The following ADAMTS20 variants were observed in gnomAD, a reference collection of about 807,000 sequenced individuals.
ADAMTS20 encodes the protein ADAM metallopeptidase with thrombospondin type 1 motif 20.
In ADAMTS20, 225 loss-of-function variants were observed where a neutral mutation model predicts 260.1. The observed-to-expected ratio is 0.87, with a 90% CI of 0.78 to 0.97. ADAMTS20 has a LOEUF of 0.97. Ranked by LOEUF, ADAMTS20 falls within the 50% of genes least tolerant of loss-of-function variation. The probability of loss-of-function intolerance (pLI) is 0.00; values close to 1 mark genes in which losing one functional copy is unlikely to be tolerated. For missense variants in ADAMTS20, 2,400 were observed against 2,337.7 expected, an observed-to-expected ratio of 1.03 and a Z score of -0.55; for synonymous variants, 802 against 769.5, an observed-to-expected ratio of 1.04 and a Z score of -0.70.
At chr12:43,474,086 C>A (rs1048127427) in intron 7 of ADAMTS20, among the ~76,000 whole-genome samples, 1 of 151,388 alleles carries the variant, frequency 6.6e-6, no homozygotes, top group Non-Finnish European at 1.5e-5. Flanking sequence ...ATTGATAGAC[C>A]GCTAGCAAGA....
chr12:43,457,319 G>A (rs1330372322), intron 11 of ADAMTS20, among the ~76,000 whole-genome samples: 3 of 151,390 alleles, frequency 2.0e-5, no homozygotes, highest in Non-Finnish European at 2.9e-5. Flanking sequence ...ATTCTTTTCT[G>A]TTAACAGTCA....
chr12:43,478,059 G>A (rs1259890821), intron 7 of ADAMTS20, among the ~76,000 whole-genome samples: 1 of 152,048 alleles, frequency 6.6e-6, no homozygotes, highest in African/African-American at 2.4e-5. Context: ...GAAATAAGAT[G>A]TATGGCTATC....
At chr12:43,460,229 A>C (rs1942035641) in intron 11 of ADAMTS20, among the ~76,000 whole-genome samples, 1 of 152,224 alleles carries the variant, frequency 6.6e-6, no homozygotes, top group African/African-American at 2.4e-5. Context: ...TTGGCTCTAA[A>C]GTAAATCTTA....
intron 7 of ADAMTS20, among the ~76,000 whole-genome samples, chr12:43,472,078 A>G (rs2137395590): frequency 6.6e-6 from 1 of 151,738 alleles, no homozygotes; most frequent in East Asian, 2.0e-4. Flanking sequence ...AGAGAAGTTG[A>G]AAACTTTGAA....
chr12:43,477,922 C>T (rs1480405643), intron 7 of ADAMTS20, among the ~76,000 whole-genome samples: 3 of 152,126 alleles, frequency 2.0e-5, no homozygotes, highest in Non-Finnish European at 4.4e-5. Flanking sequence ...ATAAAAATCT[C>T]TAGAAGAAAG....
intron 7 of ADAMTS20, among the ~76,000 whole-genome samples, chr12:43,481,788 G>A (rs865930809): frequency 1.3e-4 from 19 of 151,858 alleles, no homozygotes; most frequent in African/African-American, 3.9e-4. Flanking sequence ...TCTCCCACCC[G>A]GAAAGACAAA....
intron 2 of ADAMTS20, among the ~76,000 whole-genome samples, chr12:43,533,629 T>A (rs1943256408): frequency 4.6e-5 from 1 of 21,510 alleles, no homozygotes; most frequent in Non-Finnish European, 1.2e-4. Context: ...AAAACTACTT[T>A]AAAGTTCATA....
At chr12:43,399,808 C>T (rs1201829183) in intron 28 of ADAMTS20, among the ~76,000 whole-genome samples, 1 of 151,948 alleles carries the variant, frequency 6.6e-6, no homozygotes, top group East Asian at 1.9e-4. Flanking sequence ...ATTTAGTAAA[C>T]AAAAAATAAC....
chr12:43,541,112 C>T (rs1943370706), intron 2 of ADAMTS20, among the ~76,000 whole-genome samples: 1 of 152,112 alleles, frequency 6.6e-6, no homozygotes, highest in Non-Finnish European at 1.5e-5. Context: ...TTTCCCAAAT[C>T]ATTTATAGTT....
intron 28 of ADAMTS20, among the ~76,000 whole-genome samples, chr12:43,417,794 G>A (rs1385776815): frequency 6.6e-6 from 1 of 152,136 alleles, no homozygotes; most frequent in Non-Finnish European, 1.5e-5. Flanking sequence ...ACTACATGGG[G>A]CTATATGTCA....
At position 43,452,501 on chromosome 12, in the gene ADAMTS20, A is replaced by G. The variant is rs771268558; in HGVS notation, c.1942+13T>C. ...GAAAAATTTACATCAAAGAACCAGC[A>G]TAATTTACTTACTGCCACTGTATCT... On this transcript the variant is annotated intron_variant, in intron 13 of 38. Transcript: ENST00000389420. 1.9e-6 allele frequency: 3 copies of G among 1,609,196 alleles called. No homozygotes were observed. Among genetic ancestry groups the G allele is most frequent in the Non-Finnish European group, 2.5e-6 (3 of 1,176,896 alleles).
intron 6 of ADAMTS20, among the ~76,000 whole-genome samples, chr12:43,492,027 G>A (rs187037342): frequency 6.6e-6 from 1 of 152,208 alleles, no homozygotes; most frequent in African/African-American, 2.4e-5. Flanking sequence ...GCTTTTATTC[G>A]ATAGTTTCTT....
intron 28 of ADAMTS20, among the ~76,000 whole-genome samples, chr12:43,410,792 T>G (rs1941016617): frequency 6.6e-6 from 1 of 152,244 alleles, no homozygotes; most frequent in Non-Finnish European, 1.5e-5. Context: ...GGAATTTGAT[T>G]GATTCTTACT....
chr12:43,489,897 AG>A (rs1230145465), intron 7 of ADAMTS20, among the ~76,000 whole-genome samples: 1 of 152,066 alleles, frequency 6.6e-6, no homozygotes, highest in Non-Finnish European at 1.5e-5. Context: ...ATTTTTGTTT[AG>A]GAACACATAT....
chr12:43,495,853 G>A (rs1160596898), intron 4 of ADAMTS20, among the ~76,000 whole-genome samples: 1 of 152,132 alleles, frequency 6.6e-6, no homozygotes, highest in Non-Finnish European at 1.5e-5. Context: ...ATGTCATCAT[G>A]CTCATTTTTT....
intron 18 of ADAMTS20, among the ~76,000 whole-genome samples, chr12:43,437,110 T>C (rs1303155043): frequency 6.6e-6 from 1 of 151,762 alleles, no homozygotes; most frequent in Non-Finnish European, 1.5e-5. Context: ...AAAAACAAAA[T>C]AGACCTAGGA....
At chr12:43,394,425 T>C (rs1940658533) in intron 29 of ADAMTS20, among the ~76,000 whole-genome samples, 1 of 152,160 alleles carries the variant, frequency 6.6e-6, no homozygotes, top group African/African-American at 2.4e-5. Flanking sequence ...ATCATCCTTC[T>C]GTTAATGTAA....
Position 43,377,469 on chromosome 12 carries a change from G to C in ADAMTS20, c.4891C>G (p.Pro1631Ala), listed in dbSNP as rs1940254876. 1 of 1,613,624 alleles carries C rather than the reference G, an allele frequency of 6.2e-7. No homozygotes were observed. Among genetic ancestry groups the C allele is most frequent in the African/African-American group, 1.3e-5 (1 of 74,994 alleles). The part of the protein sequence containing the change: ...TKKHKLHRLR[P>A]IVYQECPVVP... The stretch of plus-strand genomic sequence containing the variant: ...ACAGGGCATTCTTGATAAACTATAG[G>C]CCGAAGTCGATGGAGCTTATGTTTC... The change falls in exon 32 of 39, where the codon CCT becomes GCT. Residue 1631 changes from proline (P) to alanine (A), a missense_variant. Coordinates refer to ENST00000389420, the MANE Select transcript of ADAMTS20 (RefSeq NM_025003.5).
intron 29 of ADAMTS20, among the ~76,000 whole-genome samples, chr12:43,389,986 T>C (rs1011024677): frequency 3.3e-5 from 5 of 152,178 alleles, no homozygotes; most frequent in African/African-American, 1.2e-4. Flanking sequence ...ACTGCTAAAG[T>C]TTATCACCTG....
Sources: allele counts gnomAD v4.1 joint callset (sites outside exome capture counted in the v4.1 genomes callset), GRCh38; gene constraint gnomAD v4.1.1; transcripts MANE v1.5; gene names NCBI Gene and HGNC (gene_info 2026-07-23, HGNC 2026-07-21).